Variants in NEK1 observed in about 807,000 individuals in gnomAD.
NEK1 encodes serine/threonine-protein kinase Nek1.
NEK1 carries 137 observed loss-of-function variants against 182.1 expected under a neutral mutation model. The observed-to-expected ratio is 0.75, with a 90% CI of 0.65 to 0.87. NEK1 has a LOEUF of 0.87. NEK1 is among the 40% of genes least tolerant of loss of function. NEK1 has a pLI of 0.00. For missense variants in NEK1, 1,391 were observed against 1,494.4 expected (o/e 0.93, Z 1.14); for synonymous variants, 513 against 492.2 (o/e 1.04, Z -0.56).
chr4:169,477,045 A>AT, intron 26 of NEK1, 79 bp downstream of exon 26: 3 of 959,302 alleles, frequency 3.1e-6, no homozygotes, highest in African/African-American at 1.7e-5. Context: ...CTAAGTGTTC[A>AT]TTTTTTTCAG....
chr4:169,523,256 C>T lies in NEK1; in HGVS notation c.1666-14404G>A, dbSNP rs938685776. 2.0e-5 allele frequency among the ~76,000 whole-genome samples: 3 copies of T among 152,152 alleles called. No homozygotes were observed. In the South Asian group the frequency reaches 6.2e-4, roughly 32 times the overall value. On this transcript the variant is annotated intron_variant, in intron 19 of 35. Transcript: ENST00000507142. ...TAAGAGATTGCTATGTTGAACTGTG[C>T]CCCTCATAAATTCATATGTTGAAGT...
rs920423846 is a variant in NEK1, at chr4:169,599,270, A to AATT, written c.215-74_215-73insAAT. 2.7e-6 allele frequency: 3 copies of AATT among 1,121,388 alleles called. No individual in the cohort carries two copies. In the African/African-American group the frequency reaches 4.7e-5, roughly 17 times the overall value. The allele number at this position is 1,121,388 out of a possible 1,614,324, so 69.5% of individuals were successfully genotyped here. A position where few individuals can be genotyped will look rare whatever the true frequency, so the allele number is the denominator to read the frequency against. On this transcript the variant is annotated intron_variant, in intron 4 of 35. Coordinates refer to ENST00000507142, the MANE Select transcript of NEK1 (RefSeq NM_001199397.3). ...AGCATGGCTAAATTAAAAGTACTTA[A>AATT]AAGCTTACTAAAAAGCAGCTGCTGA...
intron 28 of NEK1, among the ~76,000 whole-genome samples, chr4:169,434,733 A>G (rs945117584): frequency 6.6e-6 from 1 of 152,178 alleles, no homozygotes; most frequent in African/African-American, 2.4e-5. Flanking sequence ...TAAAGCTTCC[A>G]ATTATCTGTC....
At chr4:169,607,523 C>T (rs1052026216) in intron 2 of NEK1, among the ~76,000 whole-genome samples, 25 of 151,974 alleles carry the variant, frequency 1.6e-4, no homozygotes, top group African/African-American at 5.3e-4. Context: ...AGTGCAGTGG[C>T]GCAGTCTTGG....
chr4:169,568,792 C>T (rs9998061), intron 12 of NEK1, among the ~76,000 whole-genome samples: 13,408 of 151,874 alleles, frequency 0.088, 767 homozygotes, highest in African/African-American at 0.16. Flanking sequence ...AAAAAATTAG[C>T]CGGGCATGGT....
chr4:169,575,646 A>G (rs1464249063), intron 12 of NEK1, among the ~76,000 whole-genome samples: 3 of 152,160 alleles, frequency 2.0e-5, no homozygotes, highest in Admixed American at 2.0e-4. Context: ...CGGCTCCTCA[A>G]GTGGCTTCCC....
At chr4:169,551,219 A>G (rs1322764314) in intron 18 of NEK1, among the ~76,000 whole-genome samples, 1 of 152,240 alleles carries the variant, frequency 6.6e-6, no homozygotes, top group Non-Finnish European at 1.5e-5. Flanking sequence ...CTAAGAAGTT[A>G]TTAATACTGG....
rs1328442578 is a variant in NEK1, at chr4:169,401,675, G to A, written c.3560C>T (p.Ala1187Val). ...ACCTGAGTGCCATTCTTCGTTCAGGGCACTTTCACTGCTGGGATTGTCATC... is the reference window on the plus strand; with the variant it reads ...ACCTGAGTGCCATTCTTCGTTCAGGACACTTTCACTGCTGGGATTGTCATC... ...DEDDNPSSES[A>V]LNEEWHSDNS... Residue 1187 changes from alanine (A) to valine (V), a missense_variant, in exon 33 of 36, where the codon GCC becomes GTC. Physicochemically the swap from Ala to Val is moderately conservative, Grantham distance 64. Coordinates refer to ENST00000507142, the MANE Select transcript of NEK1 (RefSeq NM_001199397.3). 3.1e-6 allele frequency: 5 copies of A among 1,613,706 alleles called. No homozygotes were observed. Among genetic ancestry groups the A allele is most frequent in the South Asian group, 1.1e-5 (1 of 91,034 alleles).
chr4:169,548,618 A>G (rs773389697), intron 18 of NEK1, among the ~76,000 whole-genome samples: 2 of 152,196 alleles, frequency 1.3e-5, no homozygotes, highest in Admixed American at 6.5e-5. Context: ...GGTTTTATCT[A>G]TAAGACCCTG....
intron 2 of NEK1, among the ~76,000 whole-genome samples, chr4:169,610,458 C>A (rs2150172381): frequency 6.6e-6 from 1 of 152,106 alleles, no homozygotes; most frequent in East Asian, 1.9e-4. Context: ...GGATTACAGG[C>A]ACGCACCACC....
At chr4:169,514,357 T>C (rs888305946) in intron 19 of NEK1, among the ~76,000 whole-genome samples, 19 of 152,202 alleles carry the variant, frequency 1.2e-4, no homozygotes, top group African/African-American at 4.1e-4. Context: ...TCTTTGGTTA[T>C]GGTATTAGGG....
chr4:169,418,181 G>A (rs1182331178), intron 31 of NEK1, among the ~76,000 whole-genome samples: 4 of 152,144 alleles, frequency 2.6e-5, no homozygotes, highest in African/African-American at 9.7e-5. Context: ...GCCCTAGAGG[G>A]TCATGCCTTG....
chr4:169,548,226 G>A (rs1760844895), intron 18 of NEK1, among the ~76,000 whole-genome samples: 1 of 152,202 alleles, frequency 6.6e-6, no homozygotes, highest in Non-Finnish European at 1.5e-5. Flanking sequence ...AGAGCCCTCT[G>A]CTGCAGGTCT....
At chr4:169,430,537 A>T (rs1737232351) in intron 29 of NEK1, among the ~76,000 whole-genome samples, 2 of 152,206 alleles carry the variant, frequency 1.3e-5, no homozygotes, top group African/African-American at 4.8e-5. Context: ...ACTAGATGAC[A>T]TTCTGGAAAA....
chr4:169,495,270 G>C (rs1205712512), intron 23 of NEK1, among the ~76,000 whole-genome samples: 2 of 136,254 alleles, frequency 1.5e-5, no homozygotes, highest in Admixed American at 1.5e-4. Flanking sequence ...TTGAGACGGA[G>C]TTTCGCTCTG....
chr4:169,580,716 G>A (rs1385341833), intron 11 of NEK1, 126 bp downstream of exon 11: 2 of 639,576 alleles, frequency 3.1e-6, no homozygotes, highest in Non-Finnish European at 5.6e-6. Context: ...TAATTCTAAG[G>A]TGCATTTTCT....
intron 31 of NEK1, among the ~76,000 whole-genome samples, chr4:169,420,070 T>C (rs766865082): frequency 6.6e-6 from 1 of 152,156 alleles, no homozygotes. Context: ...ATTTAAAAAT[T>C]TTCTGTCTTC....
At chr4:169,531,639 T>C (rs1757694915) in intron 19 of NEK1, among the ~76,000 whole-genome samples, 1 of 152,096 alleles carries the variant, frequency 6.6e-6, no homozygotes. Flanking sequence ...AGGAAATGGC[T>C]GAAACCAGAG....
chr4:169,553,479 C>T (rs1321810057), intron 18 of NEK1, among the ~76,000 whole-genome samples: 1 of 152,066 alleles, frequency 6.6e-6, no homozygotes. Context: ...ACACCAGAGA[C>T]ACAATCCATG....
Sources: gnomAD v4.1 joint callset for allele counts (sites outside exome capture counted in the v4.1 genomes callset) on GRCh38, gnomAD v4.1.1 for gene constraint, MANE v1.5 for transcripts, NCBI Gene and HGNC (gene_info 2026-07-23, HGNC 2026-07-21) for gene names.